Variants in SLC35F1 observed in about 807,000 individuals in gnomAD.
SLC35F1 encodes the protein chromosome 6 open reading frame 169.
In SLC35F1, 14 loss-of-function variants were observed where a neutral mutation model predicts 48.7. That is an observed-to-expected ratio of 0.29 (90% confidence interval 0.19 to 0.45). The LOEUF is 0.45. SLC35F1 is among the 20% of genes least tolerant of loss of function. SLC35F1 has a pLI of 1.00. For synonymous variants in SLC35F1, 190 were observed against 202.2 expected, an observed-to-expected ratio of 0.94 and a Z score of 0.51; for missense variants, 404 against 500.0, an observed-to-expected ratio of 0.81 and a Z score of 1.83.
intron 2 of SLC35F1, among the ~76,000 whole-genome samples, chr6:118,171,373 T>C (rs1217972710): frequency 6.6e-6 from 1 of 152,234 alleles, no homozygotes; most frequent in Non-Finnish European, 1.5e-5. Context: ...ATAACATTGA[T>C]AAGCCCACAG....
At chr6:117,992,445 T>C (rs1038905200) in intron 1 of SLC35F1, among the ~76,000 whole-genome samples, 106 of 152,202 alleles carry the variant, frequency 7.0e-4, no homozygotes, top group African/African-American at 2.5e-3. Context: ...TTATTTCCTT[T>C]GCATTCTTGT....
At chr6:118,126,393 A>G (rs1773625283) in intron 1 of SLC35F1, among the ~76,000 whole-genome samples, 1 of 152,120 alleles carries the variant, frequency 6.6e-6, no homozygotes, top group Admixed American at 6.5e-5. Flanking sequence ...GGCTTGTAGT[A>G]TAGTTTGAAG....
Position 118,138,670 on chromosome 6 carries a change from T to G in SLC35F1, c.174-15775T>G, listed in dbSNP as rs1304727681. ...ATTCAATTAAATTCAACAGAATGCATACATCATTTTACATGGTGCACCTTG... is the reference window on the plus strand; with the variant it reads ...ATTCAATTAAATTCAACAGAATGCAGACATCATTTTACATGGTGCACCTTG... On this transcript the variant is annotated intron_variant, in intron 1 of 7. Coordinates refer to ENST00000360388, the MANE Select transcript of SLC35F1 (RefSeq NM_001029858.4). 7.9e-5 allele frequency among the ~76,000 whole-genome samples: 12 copies of G among 151,200 alleles called. No individual in the cohort carries two copies. In the Admixed American group the frequency reaches 7.9e-4, roughly 10 times the overall value.
At chr6:118,301,918 C>T (rs1017469032) in intron 7 of SLC35F1, among the ~76,000 whole-genome samples, 4 of 152,294 alleles carry the variant, frequency 2.6e-5, no homozygotes, top group Non-Finnish European at 5.9e-5. Context: ...CAGGAAACAA[C>T]CATTTCCTCA....
intron 1 of SLC35F1, among the ~76,000 whole-genome samples, chr6:118,087,329 C>G (rs756935903): frequency 5.9e-5 from 9 of 152,052 alleles, no homozygotes; most frequent in Non-Finnish European, 1.3e-4. Flanking sequence ...ACTAAATTAC[C>G]TCCTTAAAGA....
At chr6:118,143,062 C>T (rs149564122) in intron 1 of SLC35F1, among the ~76,000 whole-genome samples, 69 of 152,200 alleles carry the variant, frequency 4.5e-4, no homozygotes, top group African/African-American at 1.5e-3. Flanking sequence ...GTTCAGCACT[C>T]GATGGAATCT....
intron 2 of SLC35F1, among the ~76,000 whole-genome samples, chr6:118,159,646 C>T (rs1774198909): frequency 6.6e-6 from 1 of 152,034 alleles, no homozygotes; most frequent in African/African-American, 2.4e-5. Flanking sequence ...GAACCAGAGG[C>T]GAGGACAGAC....
chr6:118,285,394 A>T, intron 7 of SLC35F1, 56 bp downstream of exon 7: 3 of 1,588,288 alleles, frequency 1.9e-6, no homozygotes, highest in Non-Finnish European at 1.7e-6. Context: ...AACAATGAAC[A>T]TGGGTAGGAA....
At position 118,235,466 on chromosome 6, in the gene SLC35F1, A is replaced by G. The variant is rs183284321; in HGVS notation, c.350-43A>G. The G allele has an allele frequency of 1.5e-5, 24 of 1,573,626 alleles. No homozygotes were observed. The African/African-American group carries it at 3.0e-4, about 20-fold the overall frequency. ...TTCTTCTAAATGTACAATTTATTCT[A>G]TTTCAGGAACCTAACCCATTTCTTC... On this transcript the variant is annotated intron_variant, in intron 2 of 7. Coordinates refer to ENST00000360388, the MANE Select transcript of SLC35F1 (RefSeq NM_001029858.4).
At chr6:118,239,652 T>G (rs1246649829) in intron 3 of SLC35F1, among the ~76,000 whole-genome samples, 1 of 152,166 alleles carries the variant, frequency 6.6e-6, no homozygotes, top group Non-Finnish European at 1.5e-5. Context: ...AGTTCAAACC[T>G]ATGTTCTATA....
At chr6:118,237,702 T>C (rs1205245985) in intron 3 of SLC35F1, among the ~76,000 whole-genome samples, 2 of 152,220 alleles carry the variant, frequency 1.3e-5, no homozygotes, top group East Asian at 3.9e-4. Flanking sequence ...ATGTCTTCTT[T>C]AACAGCGATA....
chr6:118,007,168 G>A (rs1172920590), intron 1 of SLC35F1, among the ~76,000 whole-genome samples: 1 of 152,044 alleles, frequency 6.6e-6, no homozygotes, highest in African/African-American at 2.4e-5. Context: ...CACTGCATCT[G>A]ATGAAGGCCT....
At chr6:117,998,982 A>C in intron 1 of SLC35F1, 1 of 1,168,752 alleles carries the variant, frequency 8.6e-7, no homozygotes, top group East Asian at 2.3e-5. Context: ...GACATGGCCA[A>C]GTCCAAGAAC....
chr6:118,183,512 TA>T (rs140253532), intron 2 of SLC35F1, among the ~76,000 whole-genome samples: 6,467 of 150,276 alleles, frequency 0.043, 435 homozygotes, highest in African/African-American at 0.14. Flanking sequence ...TAAATTAAAT[TA>T]AAAAAAAAGA....
At chr6:117,927,279 A>G (rs1250803431) in intron 1 of SLC35F1, among the ~76,000 whole-genome samples, 1 of 152,228 alleles carries the variant, frequency 6.6e-6, no homozygotes, top group Non-Finnish European at 1.5e-5. Flanking sequence ...GAGCTCCTTC[A>G]TGGTCTGAGA....
chr6:117,990,853 G>T (rs1353761948), intron 1 of SLC35F1, among the ~76,000 whole-genome samples: 2 of 152,134 alleles, frequency 1.3e-5, no homozygotes, highest in African/African-American at 4.8e-5. Flanking sequence ...AGCTGCAGTT[G>T]GAGTGTTGGC....
At chr6:117,999,149 GC>G (rs767299804) in intron 1 of SLC35F1, 142 of 1,593,204 alleles carry the variant, frequency 8.9e-5, no homozygotes, top group Non-Finnish European at 1.2e-4. Flanking sequence ...GAAGATGCAG[GC>G]CAACAATGCC....
intron 1 of SLC35F1, among the ~76,000 whole-genome samples, chr6:117,958,393 G>T (rs190418460): frequency 6.6e-6 from 1 of 152,138 alleles, no homozygotes; most frequent in African/African-American, 2.4e-5. Context: ...GGTCTACAGC[G>T]GTGCATAATG....
At chr6:118,153,147 C>T (rs1774087623) in intron 1 of SLC35F1, among the ~76,000 whole-genome samples, 1 of 152,146 alleles carries the variant, frequency 6.6e-6, no homozygotes, top group African/African-American at 2.4e-5. Context: ...GTGCTCGTTC[C>T]AGAAAAATGG....
Sources: gnomAD v4.1 joint callset for allele counts (sites outside exome capture counted in the v4.1 genomes callset) on GRCh38, gnomAD v4.1.1 for gene constraint, MANE v1.5 for transcripts, NCBI Gene and HGNC (gene_info 2026-07-23, HGNC 2026-07-21) for gene names.